The following CSGALNACT1 variants were observed in gnomAD, a reference collection of about 807,000 sequenced individuals.
CSGALNACT1 encodes beta4GalNAcT-1.
CSGALNACT1 carries 52 observed loss-of-function variants against 51.0 expected under a neutral mutation model. The observed-to-expected ratio is 1.02, with a 90% confidence interval of 0.82 to 1.29. The LOEUF (loss-of-function observed/expected upper bound fraction) is 1.29, where lower values mean the gene tolerates loss of function less well. CSGALNACT1 is among the 50% of genes most tolerant of loss of function. CSGALNACT1 has a pLI of 0.00. For synonymous variants in CSGALNACT1, 341 were observed against 254.4 expected, an observed-to-expected ratio of 1.34 and a Z score of -3.24; for missense variants, 935 against 679.2, an observed-to-expected ratio of 1.38 and a Z score of -4.19.
chr8:19,753,622 C>T (rs1323697169), intron 1 of CSGALNACT1, among the ~76,000 whole-genome samples: 2 of 152,170 alleles, frequency 1.3e-5, no homozygotes, highest in East Asian at 1.9e-4. Context: ...AATCCTACTA[C>T]CTCAGCCTCC....
intron 4 of CSGALNACT1, among the ~76,000 whole-genome samples, chr8:19,472,141 T>C (rs1373776176): frequency 1.3e-5 from 2 of 152,158 alleles, no homozygotes; most frequent in African/African-American, 2.4e-5. Flanking sequence ...GCAAAGATAT[T>C]AGGGAGTTCT....
intron 3 of CSGALNACT1, among the ~76,000 whole-genome samples, chr8:19,521,841 T>G (rs539724241): frequency 2.6e-5 from 4 of 152,320 alleles, no homozygotes; most frequent in Admixed American, 2.0e-4. Flanking sequence ...GAGGGGGACT[T>G]TGAAAACAGA....
At chr8:19,428,039 C>A (rs757150338) in intron 6 of CSGALNACT1, among the ~76,000 whole-genome samples, 2 of 152,136 alleles carry the variant, frequency 1.3e-5, no homozygotes, top group Non-Finnish European at 2.9e-5. Context: ...ATCCTTCCTC[C>A]TTCTCCTCTG....
chr8:19,751,362 T>C (rs930263494), intron 1 of CSGALNACT1, among the ~76,000 whole-genome samples: 1 of 152,190 alleles, frequency 6.6e-6, no homozygotes, highest in African/African-American at 2.4e-5. Context: ...GCAGAGTACC[T>C]GCTACATATT....
chr8:19,664,534 T>A (rs2059023003), intron 1 of CSGALNACT1, among the ~76,000 whole-genome samples: 1 of 152,182 alleles, frequency 6.6e-6, no homozygotes, highest in Admixed American at 6.5e-5. Context: ...CCTGCCCTCC[T>A]ATGTTTATCC....
At chr8:19,578,760 G>A (rs1327692933) in intron 3 of CSGALNACT1, among the ~76,000 whole-genome samples, 3 of 151,974 alleles carry the variant, frequency 2.0e-5, no homozygotes, top group Admixed American at 6.6e-5. Flanking sequence ...ACCTTCTGAC[G>A]TCTGCCTCTA....
At chr8:19,540,756 C>T (rs13282951) in intron 3 of CSGALNACT1, among the ~76,000 whole-genome samples, 16,551 of 152,124 alleles carry the variant, frequency 0.11, 1,001 homozygotes, top group African/African-American at 0.17. Context: ...GCTTTGTTCA[C>T]CCTGCTCCCT....
intron 8 of CSGALNACT1, among the ~76,000 whole-genome samples, chr8:19,410,344 G>A (rs904900297): frequency 5.3e-5 from 8 of 152,162 alleles, no homozygotes; most frequent in Non-Finnish European, 5.9e-5. Flanking sequence ...AAGTCTCCAC[G>A]GAGTCATTTT....
intron 1 of CSGALNACT1, among the ~76,000 whole-genome samples, chr8:19,633,954 CG>C (rs1249506920): frequency 1.3e-5 from 2 of 152,038 alleles, no homozygotes; most frequent in East Asian, 3.9e-4. Flanking sequence ...CTTTCCCAAC[CG>C]AGGGTTCGTG....
intron 5 of CSGALNACT1, among the ~76,000 whole-genome samples, chr8:19,444,464 T>C (rs1470253471): frequency 6.6e-6 from 1 of 152,202 alleles, no homozygotes; most frequent in Non-Finnish European, 1.5e-5. Flanking sequence ...AATTTTAACC[T>C]GAGTTTCTGG....
chr8:19,408,626 G>A (rs1227518921), exon 9 of CSGALNACT1: 1 of 1,613,680 alleles, frequency 6.2e-7, no homozygotes, highest in South Asian at 1.1e-5. Flanking sequence ...TATTGATGAA[G>A]TCTGACCGAT....
chr8:19,489,744 G>C (rs2073940824), intron 4 of CSGALNACT1, among the ~76,000 whole-genome samples: 1 of 152,160 alleles, frequency 6.6e-6, no homozygotes, highest in African/African-American at 2.4e-5. Flanking sequence ...TCTTCACGAT[G>C]ACATCTTTCC....
At chr8:19,437,447 G>T (rs1233339423) in intron 6 of CSGALNACT1, among the ~76,000 whole-genome samples, 2 of 152,094 alleles carry the variant, frequency 1.3e-5, no homozygotes, top group African/African-American at 4.8e-5. Flanking sequence ...AGTGTGGTAT[G>T]GTACTGTGAA....
chr8:19,740,605 C>A (rs2064253166), intron 1 of CSGALNACT1, among the ~76,000 whole-genome samples: 1 of 152,182 alleles, frequency 6.6e-6, no homozygotes, highest in Non-Finnish European at 1.5e-5. Context: ...ATTTTAGTAA[C>A]TGTTATATAA....
At chr8:19,727,649 A>T (rs2063477983) in intron 1 of CSGALNACT1, among the ~76,000 whole-genome samples, 1 of 152,180 alleles carries the variant, frequency 6.6e-6, no homozygotes, top group Admixed American at 6.5e-5. Flanking sequence ...TTGGCCACAA[A>T]TTGTTTCTAT....
At chr8:19,615,277 T>G (rs1439488931) in intron 1 of CSGALNACT1, among the ~76,000 whole-genome samples, 1 of 152,200 alleles carries the variant, frequency 6.6e-6, no homozygotes, top group Non-Finnish European at 1.5e-5. Flanking sequence ...TACTCCAGCC[T>G]GGGGGACAAA....
intron 3 of CSGALNACT1, among the ~76,000 whole-genome samples, chr8:19,588,788 C>T (rs1025711807): frequency 3.3e-5 from 5 of 152,128 alleles, no homozygotes; most frequent in Admixed American, 2.6e-4. Flanking sequence ...ATGGGGGATG[C>T]GAGAGGGCAG....
intron 4 of CSGALNACT1, among the ~76,000 whole-genome samples, chr8:19,485,840 C>A (rs979382756): frequency 1.5e-5 from 2 of 130,434 alleles, no homozygotes; most frequent in African/African-American, 5.5e-5. Context: ...GATCTCGGCT[C>A]AGCACAACCT....
intron 3 of CSGALNACT1, among the ~76,000 whole-genome samples, chr8:19,528,037 G>T (rs755183738): frequency 1.3e-5 from 2 of 152,102 alleles, no homozygotes; most frequent in African/African-American, 4.8e-5. Flanking sequence ...GAGGAAATAA[G>T]CCTGCAAAGC....
Sources: gnomAD v4.1 joint callset for allele counts (sites outside exome capture counted in the v4.1 genomes callset) on GRCh38, gnomAD v4.1.1 for gene constraint, MANE v1.5 for transcripts, NCBI Gene and HGNC (gene_info 2026-07-23, HGNC 2026-07-21) for gene names.